The following BTF3L4 variants were observed in gnomAD, a reference collection of about 807,000 sequenced individuals.
BTF3L4 encodes the protein basic transcription factor 3 like 4.
BTF3L4 carries 6 observed loss-of-function variants against 16.8 expected under a neutral mutation model. That is an observed-to-expected ratio of 0.36 (90% CI 0.20 to 0.71). The LOEUF (loss-of-function observed/expected upper bound fraction) is 0.71, where lower values mean the gene tolerates loss of function less well. Among genes scored for constraint, BTF3L4 ranks in the 30% least tolerant of loss-of-function variants. The pLI, the probability that BTF3L4 is intolerant of heterozygous loss-of-function variation, is 0.58. For synonymous variants in BTF3L4, 39 were observed against 59.8 expected (o/e 0.65, Z 1.60); for missense variants, 92 against 186.9 (o/e 0.49, Z 2.96).
In BTF3L4 at chr1:52,088,770, AT is replaced by A. The variant is rs1368476854; in HGVS notation, c.*2016del. On this transcript the variant is annotated 3_prime_UTR_variant, in exon 6 of 6. Transcript: ENST00000313334. ...TGAAATTTATCATCAGTCAAATAAG[AT>A]TTTATTCTGTTTTGTTTTGTTTGAG... 2.0e-5 allele frequency: 3 copies of A among 152,098 alleles called. No individual in the cohort carries two copies. The South Asian group carries it at 6.2e-4, about 32-fold the overall frequency. The allele number at this position is 152,098 out of a possible 1,614,324, so 9.4% of individuals were successfully genotyped here.
chr1:52,086,649 T>C, intron 5 of BTF3L4, 63 bp from the exon 6 acceptor site: 1 of 1,044,578 alleles, frequency 9.6e-7, no homozygotes, highest in Non-Finnish European at 1.4e-6. Context: ...AGTTAGGAGT[T>C]CCATTTACCT....
At chr1:52,059,036 A>G (rs1686444559) in intron 1 of BTF3L4, among the ~76,000 whole-genome samples, 1 of 152,302 alleles carries the variant, frequency 6.6e-6, no homozygotes, top group East Asian at 1.9e-4. Context: ...CAAAATCAAG[A>G]TTAACTTTAA....
At chr1:52,058,643 T>A (rs1412467832) in intron 1 of BTF3L4, among the ~76,000 whole-genome samples, 1 of 151,838 alleles carries the variant, frequency 6.6e-6, no homozygotes, top group African/African-American at 2.4e-5. Flanking sequence ...CTCTTGTTGC[T>A]CAGGCTGGAG....
chr1:52,059,344 C>G (rs1296698405), intron 1 of BTF3L4, among the ~76,000 whole-genome samples: 2 of 152,120 alleles, frequency 1.3e-5, no homozygotes. Flanking sequence ...TGAATTTCTT[C>G]TTTGTTCAGC....
chr1:52,081,947 G>A (rs1386341071), intron 3 of BTF3L4, among the ~76,000 whole-genome samples: 9 of 152,098 alleles, frequency 5.9e-5, no homozygotes, highest in Non-Finnish European at 1.2e-4. Context: ...AGGAAGAAAA[G>A]CCCTCTTCCC....
At chr1:52,067,284 G>A (rs1030152373) in intron 3 of BTF3L4, among the ~76,000 whole-genome samples, 7 of 152,178 alleles carry the variant, frequency 4.6e-5, no homozygotes, top group African/African-American at 1.7e-4. Flanking sequence ...AAAAGGTAGT[G>A]GAATGGCAAA....
rs573500411 is a variant in BTF3L4 at position 52,086,983 on chromosome 1, T to A, written c.*225T>A. ...CAAAATATGAAGTATTGGTGCAGTTTGAGGGTGTTTTGGTTTTTGATTCCT... is the reference window on the plus strand; with the variant it reads ...CAAAATATGAAGTATTGGTGCAGTTAGAGGGTGTTTTGGTTTTTGATTCCT... On this transcript the variant is annotated 3_prime_UTR_variant, in exon 6 of 6. Coordinates refer to ENST00000313334, the MANE Select transcript of BTF3L4 (RefSeq NM_152265.5). The A allele has an allele frequency of 2.4e-6, 1 of 416,826 alleles. No individual in the cohort carries two copies. Among genetic ancestry groups the A allele is most frequent in the African/African-American group, 2.1e-5 (1 of 48,216 alleles). 25.8% of individuals were successfully genotyped at this position (416,826 alleles called of 1,614,324 possible).
At chr1:52,064,628 G>GA (rs2124418810) in intron 2 of BTF3L4, among the ~76,000 whole-genome samples, 197 bp from the exon 3 acceptor site, 1 of 152,288 alleles carries the variant, frequency 6.6e-6, no homozygotes, top group East Asian at 1.9e-4. Context: ...GAAAAAAAAG[G>GA]AACTGGCTAG....
At chr1:52,061,428 C>T (rs190988841) in intron 2 of BTF3L4, among the ~76,000 whole-genome samples, 107 of 140,302 alleles carry the variant, frequency 7.6e-4, no homozygotes, top group African/African-American at 2.3e-3. Context: ...GTGGAAGTTG[C>T]GGTGAGCCAA....
chr1:52,084,267 G>T (rs1182524240), intron 4 of BTF3L4, among the ~76,000 whole-genome samples: 1 of 152,032 alleles, frequency 6.6e-6, no homozygotes, highest in African/African-American at 2.4e-5. Context: ...AGCCTCCCGA[G>T]TAGCAGGGAC....
chr1:52,076,509 G>A (rs957524514), intron 3 of BTF3L4, among the ~76,000 whole-genome samples: 3 of 150,888 alleles, frequency 2.0e-5, no homozygotes, highest in Non-Finnish European at 3.0e-5. Flanking sequence ...CCCGTGAGGC[G>A]GAGGTCGCAG....
Position 52,084,915 on chromosome 1 carries a change from A to C in BTF3L4, c.371-1197A>C, listed in dbSNP as rs183449948. On this transcript the variant is annotated intron_variant, in intron 4 of 5. Coordinates refer to ENST00000313334, the MANE Select transcript of BTF3L4 (RefSeq NM_152265.5). ...AATTTCCAAGATAGTCCTGGTTTCA[A>C]ATGTGTCATGTTGCCCCTAAAAATG... 2.0e-3 allele frequency among the ~76,000 whole-genome samples: 297 copies of C among 152,126 alleles called. 6 individuals are homozygous for C. The highest frequency in any genetic ancestry group is 0.017 in the Admixed American group (259 of 15,268).
At chr1:52,085,572 G>A (rs12402478) in intron 4 of BTF3L4, among the ~76,000 whole-genome samples, 11,107 of 151,948 alleles carry the variant, frequency 0.073, 506 homozygotes, top group African/African-American at 0.13. Context: ...TTTGTAGGCC[G>A]TGTGTGGTGG....
chr1:52,060,744 G>T, intron 2 of BTF3L4: 1 of 419,408 alleles, frequency 2.4e-6, no homozygotes, highest in Non-Finnish European at 3.3e-6. Context: ...TGAGCACAAG[G>T]GAAGGGAAGG....
chr1:52,084,723 T>TC (rs1156255770), intron 4 of BTF3L4, among the ~76,000 whole-genome samples: 1 of 151,230 alleles, frequency 6.6e-6, no homozygotes, highest in Non-Finnish European at 1.5e-5. Context: ...GCCCAGGACT[T>TC]CAAGTCTGCA....
intron 4 of BTF3L4, among the ~76,000 whole-genome samples, chr1:52,084,035 A>AT (rs1643947431): frequency 6.6e-6 from 1 of 151,638 alleles, no homozygotes; most frequent in Non-Finnish European, 1.5e-5. Context: ...AAAAAAAAAA[A>AT]GAATATTCGG....
Position 52,059,823 on chromosome 1 carries a change from T to A in BTF3L4, c.-13-12T>A, listed in dbSNP as rs1003529493. ...AAGAGTGACTTTAACAAATCTATTT[T>A]TCCCCCCCTAGATTTACCAACAGCA... is the stretch of plus-strand genomic sequence containing the variant. On this transcript the variant is annotated splice_polypyrimidine_tract_variant and intron_variant, in intron 1 of 5. Coordinates refer to ENST00000313334, the MANE Select transcript of BTF3L4 (RefSeq NM_152265.5). 1 of 1,612,828 alleles carries A rather than the reference T, an allele frequency of 6.2e-7. No homozygotes were observed. The highest frequency in any genetic ancestry group is 1.3e-5 in the African/African-American group (1 of 74,998).
chr1:52,078,383 A>G (rs930105482), intron 3 of BTF3L4, among the ~76,000 whole-genome samples: 1 of 152,060 alleles, frequency 6.6e-6, no homozygotes, highest in African/African-American at 2.4e-5. Flanking sequence ...AATAAATTGT[A>G]TAGGAGGTAT....
At chr1:52,074,100 G>C (rs1686868868) in intron 3 of BTF3L4, among the ~76,000 whole-genome samples, 1 of 152,076 alleles carries the variant, frequency 6.6e-6, no homozygotes, top group Admixed American at 6.6e-5. Flanking sequence ...AGGAGTTCTA[G>C]GCTGCAGTGA....
Sources: gnomAD v4.1 joint callset for allele counts (sites outside exome capture counted in the v4.1 genomes callset) on GRCh38, gnomAD v4.1.1 for gene constraint, MANE v1.5 for transcripts, NCBI Gene and HGNC (gene_info 2026-07-23, HGNC 2026-07-21) for gene names.